The following LNPEP variants were observed in gnomAD, a reference collection of about 807,000 sequenced individuals.
The protein encoded by LNPEP is leucyl-cystinyl aminopeptidase.
A neutral mutation model predicts 120.6 loss-of-function variants in LNPEP; 64 were observed. The ratio of observed to expected loss-of-function variants is 0.53; its 90% CI spans 0.43 to 0.65. LNPEP has a LOEUF of 0.65. Ranked by LOEUF, LNPEP falls within the 30% of genes least tolerant of loss-of-function variation. The pLI, the probability that LNPEP is intolerant of heterozygous loss-of-function variation, is 0.00. For missense variants in LNPEP, 1,057 were observed against 1,200.0 expected (o/e 0.88, Z 1.76); for synonymous variants, 435 against 425.4 (o/e 1.02, Z -0.28).
chr5:97,026,391 T>C (rs900338587), intron 15 of LNPEP, among the ~76,000 whole-genome samples: 2 of 152,238 alleles, frequency 1.3e-5, no homozygotes, highest in African/African-American at 4.8e-5. Context: ...AAACTATTTA[T>C]TGTCATGTGA....
chr5:96,936,148 G>T lies in LNPEP; in HGVS notation c.-8G>T, dbSNP rs891619157. ...GCTCCGGCTGTAAGGAGCCGCGGCGGGGGGAAAATGGAGCCCTTCACCAAT... is the reference window on the plus strand; with the variant it reads ...GCTCCGGCTGTAAGGAGCCGCGGCGTGGGGAAAATGGAGCCCTTCACCAAT... On this transcript the variant is annotated 5_prime_UTR_variant, in exon 1 of 18. Transcript: ENST00000231368. 6.7e-7 allele frequency: 1 copy of T among 1,503,308 alleles called. No individual in the cohort carries two copies. Among genetic ancestry groups the T allele is most frequent in the Admixed American group, 2.2e-5 (1 of 45,576 alleles). The allele number at this position is 1,503,308 out of a possible 1,614,324, so 93.1% of individuals were successfully genotyped here. A position where few individuals can be genotyped will look rare whatever the true frequency, so the allele number is the denominator to read the frequency against.
In LNPEP at chr5:97,003,396, TCA is replaced by T. The variant is rs869245595; in HGVS notation, c.1654-17_1654-16del. ...ATTCTATTATTTTCTTTCTTTTTCC[TCA>T]CTTTTTTTTTTAATAGGGATCTTCT... On this transcript the variant is annotated splice_polypyrimidine_tract_variant and intron_variant, in intron 8 of 17. Transcript: ENST00000231368. The T allele has an allele frequency of 1.5e-6, 2 of 1,353,186 alleles. No individual in the cohort carries two copies. The highest frequency in any genetic ancestry group is 2.0e-6 in the Non-Finnish European group (2 of 1,004,688). 83.8% of individuals were successfully genotyped at this position (1,353,186 alleles called of 1,614,324 possible).
intron 11 of LNPEP, chr5:97,011,318 T>G (rs1790921727): frequency 7.1e-6 from 3 of 423,918 alleles, no homozygotes; most frequent in Non-Finnish European, 9.5e-6. Flanking sequence ...CTTGACCTAG[T>G]GATAGTTGAC....
intron 1 of LNPEP, among the ~76,000 whole-genome samples, chr5:96,938,629 G>T (rs116316011): frequency 0.015 from 2,230 of 152,116 alleles, 59 homozygotes; most frequent in African/African-American, 0.051. Flanking sequence ...TTTTTGTTGG[G>T]CCCTGCTCTC....
At chr5:97,020,426 T>C (rs999042879) in intron 13 of LNPEP, among the ~76,000 whole-genome samples, 3 of 152,210 alleles carry the variant, frequency 2.0e-5, no homozygotes, top group Non-Finnish European at 4.4e-5. Flanking sequence ...GAAATCTTCC[T>C]GTGCTTATTC....
Position 97,007,223 on chromosome 5 carries a change from T to A in LNPEP, c.2035+708T>A, listed in dbSNP as rs181988244. Among the ~76,000 whole-genome samples, 470 of 152,234 alleles carry A rather than the reference T, an allele frequency of 3.1e-3. 6 individuals carry two copies. Among genetic ancestry groups the A allele is most frequent in the Admixed American group, 0.022 (334 of 15,278 alleles). ...GCTTTGGATTGAAGAAAAGGGAAAATTTCTCGTTTGAATTTGGATCTGGTG... is the reference window on the plus strand; with the variant it reads ...GCTTTGGATTGAAGAAAAGGGAAAAATTCTCGTTTGAATTTGGATCTGGTG... On this transcript the variant is annotated intron_variant, in intron 11 of 17. Coordinates refer to ENST00000231368, the MANE Select transcript of LNPEP (RefSeq NM_005575.3).
At chr5:96,953,600 A>G (rs866641706) in intron 1 of LNPEP, among the ~76,000 whole-genome samples, 6 of 152,350 alleles carry the variant, frequency 3.9e-5, no homozygotes, top group Non-Finnish European at 8.8e-5. Context: ...CTTCCCTTAT[A>G]TGAACATAAT....
intron 9 of LNPEP, among the ~76,000 whole-genome samples, chr5:97,004,609 TCA>T (rs1294341735): frequency 6.6e-6 from 1 of 152,074 alleles, no homozygotes; most frequent in African/African-American, 2.4e-5. Flanking sequence ...GTGCAGAACA[TCA>T]CACACAGTTT....
intron 13 of LNPEP, among the ~76,000 whole-genome samples, chr5:97,018,408 G>A (rs1791115424): frequency 6.6e-6 from 1 of 151,880 alleles, no homozygotes; most frequent in South Asian, 2.1e-4. Flanking sequence ...CAGCTTTCTG[G>A]GCAGATATGT....
chr5:96,955,443 C>T (rs1156560360), intron 1 of LNPEP, among the ~76,000 whole-genome samples: 1 of 152,046 alleles, frequency 6.6e-6, no homozygotes, highest in Non-Finnish European at 1.5e-5. Flanking sequence ...GGCGATAGCC[C>T]ATCTCTACTA....
intron 1 of LNPEP, among the ~76,000 whole-genome samples, chr5:96,977,581 T>C (rs1790027528): frequency 6.6e-6 from 1 of 152,114 alleles, no homozygotes; most frequent in Non-Finnish European, 1.5e-5. Context: ...AGAGGCTGCG[T>C]TTCTAACAAG....
At chr5:96,939,549 T>C (rs1036527771) in intron 1 of LNPEP, among the ~76,000 whole-genome samples, 1 of 151,976 alleles carries the variant, frequency 6.6e-6, no homozygotes, top group Non-Finnish European at 1.5e-5. Flanking sequence ...TTCTAAAGTA[T>C]ATCTAAAGGT....
Position 97,022,429 on chromosome 5 carries a change from T to C in LNPEP, c.2506T>C (p.Ser836Pro). 1 of 1,614,088 alleles carries C rather than the reference T, an allele frequency of 6.2e-7. No individual in the cohort carries two copies. Among genetic ancestry groups the C allele is most frequent in the Non-Finnish European group, 8.5e-7 (1 of 1,179,976 alleles). Reference sequence around the variant, plus strand: ...TTGCACCCACAACCTGGGGAACTGCTCTACTACTGCCATGAAACTGTTTGA... The same window carrying C: ...TTGCACCCACAACCTGGGGAACTGCCCTACTACTGCCATGAAACTGTTTGA... ...FACTHNLGNC[S>P]TTAMKLFDDW... is the part of the protein sequence containing the mutation. Residue 836 changes from serine (S) to proline (P), a missense_variant, in exon 14 of 18, where the codon TCT becomes CCT. By Grantham distance (74) the Ser-to-Pro change is moderately conservative. Coordinates refer to ENST00000231368, the MANE Select transcript of LNPEP (RefSeq NM_005575.3).
chr5:97,005,232 T>G (rs1790751447), intron 9 of LNPEP, among the ~76,000 whole-genome samples: 1 of 152,202 alleles, frequency 6.6e-6, no homozygotes, highest in Non-Finnish European at 1.5e-5. Context: ...ATTTTATCAA[T>G]TTAGGTACAT....
intron 13 of LNPEP, among the ~76,000 whole-genome samples, chr5:97,021,923 G>GTTTTTTT (rs1165456605): frequency 1.3e-3 from 73 of 57,172 alleles, no homozygotes; most frequent in Non-Finnish European, 1.6e-3. Context: ...TTTGTCTTTT[G>GTTTTTTT]TTTTTTTTTT....
At chr5:96,950,397 AT>A (rs1164874963) in intron 1 of LNPEP, among the ~76,000 whole-genome samples, 1 of 152,190 alleles carries the variant, frequency 6.6e-6, no homozygotes, top group Non-Finnish European at 1.5e-5. Flanking sequence ...CACAAAAACA[AT>A]TCCCAAGCCA....
chr5:97,005,310 A>G (rs1006336378), intron 9 of LNPEP, among the ~76,000 whole-genome samples: 3 of 152,054 alleles, frequency 2.0e-5, no homozygotes, highest in Non-Finnish European at 4.4e-5. Context: ...CCTGAGTTTA[A>G]CCCACCTGCT....
At chr5:97,027,710 C>G (rs781379850) in intron 16 of LNPEP, 23 bp from the exon 17 acceptor site, 9 of 1,480,142 alleles carry the variant, frequency 6.1e-6, no homozygotes. Context: ...AATCTTTTTG[C>G]TCTTGTTTTT....
intron 11 of LNPEP, among the ~76,000 whole-genome samples, chr5:97,011,788 C>T (rs144695816): frequency 1.1e-3 from 171 of 152,216 alleles, no homozygotes; most frequent in African/African-American, 3.8e-3. Flanking sequence ...GAAATAAGTA[C>T]GGAATTTTTT....
Sources: gnomAD v4.1 joint callset for allele counts (sites outside exome capture counted in the v4.1 genomes callset) on GRCh38, gnomAD v4.1.1 for gene constraint, MANE v1.5 for transcripts, NCBI Gene and HGNC (gene_info 2026-07-23, HGNC 2026-07-21) for gene names.